Variants in RAP1A observed in about 807,000 individuals in gnomAD.
RAP1A encodes the protein ras-related protein Rap-1A.
RAP1A carries 6 observed loss-of-function variants against 26.4 expected under a neutral mutation model. The observed-to-expected ratio is 0.23, with a 90% CI of 0.12 to 0.45. The LOEUF is 0.45. Ranked by LOEUF, RAP1A falls within the 20% of genes least tolerant of loss-of-function variation. RAP1A has a pLI of 0.99. For missense variants in RAP1A, 121 were observed against 217.2 expected, an observed-to-expected ratio of 0.56 and a Z score of 2.78; for synonymous variants, 73 against 79.4, an observed-to-expected ratio of 0.92 and a Z score of 0.43.
intron 1 of RAP1A, among the ~76,000 whole-genome samples, chr1:111,632,734 GA>G (rs1659604890): frequency 6.6e-6 from 1 of 151,670 alleles, no homozygotes; most frequent in Non-Finnish European, 1.5e-5. Context: ...CCAACATGGA[GA>G]AACCCCGTCT....
intron 1 of RAP1A, among the ~76,000 whole-genome samples, chr1:111,656,004 A>G (rs947910002): frequency 6.6e-6 from 1 of 152,038 alleles, no homozygotes; most frequent in Non-Finnish European, 1.5e-5. Flanking sequence ...ATCTCTGATT[A>G]ATTAATGTTC....
At chr1:111,706,657 C>G in intron 6 of RAP1A, 1 of 949,706 alleles carries the variant, frequency 1.1e-6, no homozygotes, top group Non-Finnish European at 1.3e-6. Context: ...TCTGTGTTCC[C>G]TTTAGATTTT....
intron 1 of RAP1A, among the ~76,000 whole-genome samples, chr1:111,646,924 A>G (rs1275048023): frequency 6.6e-6 from 1 of 152,160 alleles, no homozygotes; most frequent in East Asian, 1.9e-4. Flanking sequence ...ACCCAAGATA[A>G]CATTAGTCAA....
intron 1 of RAP1A, among the ~76,000 whole-genome samples, chr1:111,577,520 G>A (rs75175739): frequency 0.03 from 4,457 of 149,954 alleles, 225 homozygotes; most frequent in East Asian, 0.22. Context: ...TGTATATTAA[G>A]TGGTCAAGAT....
At chr1:111,546,722 G>T (rs1657047045) in intron 1 of RAP1A, among the ~76,000 whole-genome samples, 1 of 152,064 alleles carries the variant, frequency 6.6e-6, no homozygotes, top group Non-Finnish European at 1.5e-5. Context: ...AATAAGGCTG[G>T]TATGAACATG....
intron 1 of RAP1A, among the ~76,000 whole-genome samples, chr1:111,639,003 G>A (rs140012903): frequency 6.6e-6 from 1 of 152,204 alleles, no homozygotes; most frequent in African/African-American, 2.4e-5. Context: ...ACAAGCTATT[G>A]AGCTGTGAGC....
At chr1:111,705,483 A>C (rs1316341693) in intron 6 of RAP1A, among the ~76,000 whole-genome samples, 2 of 151,558 alleles carry the variant, frequency 1.3e-5, no homozygotes, top group African/African-American at 2.4e-5. Flanking sequence ...CCTGGCAGGT[A>C]AAAAAAAATT....
chr1:111,666,956 T>A (rs1247581316), intron 1 of RAP1A, among the ~76,000 whole-genome samples: 5 of 84,384 alleles, frequency 5.9e-5, no homozygotes, highest in Non-Finnish European at 1.2e-4. Context: ...CAAGATGAAG[T>A]GGATACAGGC....
intron 1 of RAP1A, among the ~76,000 whole-genome samples, chr1:111,611,347 G>C (rs144916485): frequency 6.6e-6 from 1 of 152,128 alleles, no homozygotes; most frequent in Non-Finnish European, 1.5e-5. Flanking sequence ...TGTTTGGTGT[G>C]TATTCCTTTA....
At chr1:111,673,008 T>G (rs747315831) in intron 1 of RAP1A, among the ~76,000 whole-genome samples, 6 of 152,200 alleles carry the variant, frequency 3.9e-5, no homozygotes, top group African/African-American at 7.2e-5. Flanking sequence ...GTGAAACCTT[T>G]GGGTGTATCC....
intron 1 of RAP1A, among the ~76,000 whole-genome samples, chr1:111,544,315 A>G (rs566594007): frequency 6.6e-6 from 1 of 152,200 alleles, no homozygotes; most frequent in African/African-American, 2.4e-5. Flanking sequence ...ACAATGTTGT[A>G]CAACCATCAC....
chr1:111,558,121 A>G (rs548545135), intron 1 of RAP1A, among the ~76,000 whole-genome samples: 124 of 152,334 alleles, frequency 8.1e-4, no homozygotes, highest in African/African-American at 2.9e-3. Context: ...ATTTAAATAT[A>G]ACAGTAATTA....
chr1:111,593,180 G>A (rs1314251023), intron 1 of RAP1A, among the ~76,000 whole-genome samples: 7 of 152,070 alleles, frequency 4.6e-5, no homozygotes, highest in South Asian at 2.1e-4. Context: ...CAGGCCCCTC[G>A]GGAACTGTTC....
chr1:111,662,454 G>T lies in RAP1A; in HGVS notation c.-27-28880G>T, dbSNP rs138628385. ...CAGGGCTAAGATTGTTCCTCAATCA[G>T]ATGTTTTCAAAACAAAGGTGTCTAG... On this transcript the variant is annotated intron_variant, in intron 1 of 7. Transcript: ENST00000369709. Among the ~76,000 whole-genome samples the T allele has an allele frequency of 2.9e-3, 436 of 149,536 alleles. 3 individuals are homozygous for T. The highest frequency in any genetic ancestry group is 0.01 in the African/African-American group (423 of 40,598).
intron 1 of RAP1A, among the ~76,000 whole-genome samples, chr1:111,642,521 A>G (rs1308282349): frequency 6.9e-6 from 1 of 145,554 alleles, no homozygotes; most frequent in African/African-American, 2.6e-5. Context: ...ACGGTGTCTC[A>G]CTGTCTCCCA....
chr1:111,669,232 C>T lies in RAP1A; in HGVS notation c.-27-22102C>T, dbSNP rs139068692. On this transcript the variant is annotated intron_variant, in intron 1 of 7. Coordinates refer to ENST00000369709, the MANE Select transcript of RAP1A (RefSeq NM_002884.4). ...AACCATAGCCTAAATTGCTAGTTTT[C>T]CCTGATACCATTCTGTGTCTAATAA... 4.5e-3 allele frequency among the ~76,000 whole-genome samples: 688 copies of T among 152,174 alleles called. 8 individuals are homozygous for T. Among genetic ancestry groups the T allele is most frequent in the African/African-American group, 0.015 (643 of 41,512 alleles).
At chr1:111,561,549 A>T (rs546259410) in intron 1 of RAP1A, among the ~76,000 whole-genome samples, 1 of 152,284 alleles carries the variant, frequency 6.6e-6, no homozygotes, top group Non-Finnish European at 1.5e-5. Flanking sequence ...ACAGACTGAG[A>T]TACAGAGGTC....
At chr1:111,599,344 T>A (rs2101070880) in intron 1 of RAP1A, among the ~76,000 whole-genome samples, 1 of 152,298 alleles carries the variant, frequency 6.6e-6, no homozygotes, top group South Asian at 2.1e-4. Flanking sequence ...TAGCTGGGAC[T>A]ACAGGCGCAT....
chr1:111,587,511 G>T (rs61788216), intron 1 of RAP1A, among the ~76,000 whole-genome samples: 14 of 152,008 alleles, frequency 9.2e-5, no homozygotes, highest in African/African-American at 3.4e-4. Flanking sequence ...TACTCTATTC[G>T]TTATCCTCTC....
Sources: allele counts gnomAD v4.1 joint callset (sites outside exome capture counted in the v4.1 genomes callset), GRCh38; gene constraint gnomAD v4.1.1; transcripts MANE v1.5; gene names NCBI Gene and HGNC (gene_info 2026-07-23, HGNC 2026-07-21).